The following PWWP2A variants were observed in gnomAD, a reference collection of about 807,000 sequenced individuals.
PWWP2A encodes the protein PWWP domain-containing protein 2A.
Under a neutral mutation model 48.5 loss-of-function variants are expected in PWWP2A, and 18 were observed. The ratio of observed to expected loss-of-function variants is 0.37; its 90% CI spans 0.26 to 0.55. The LOEUF (loss-of-function observed/expected upper bound fraction) is 0.55, where lower values mean the gene tolerates loss of function less well. Ranked by LOEUF, PWWP2A falls within the 20% of genes least tolerant of loss-of-function variation. The pLI, the probability that PWWP2A is intolerant of heterozygous loss-of-function variation, is 0.81. For synonymous variants in PWWP2A, 396 were observed against 387.7 expected, an observed-to-expected ratio of 1.02 and a Z score of -0.25; for missense variants, 867 against 976.4, an observed-to-expected ratio of 0.89 and a Z score of 1.49.
At chr5:160,113,980 T>C (rs911979282) in intron 1 of PWWP2A, among the ~76,000 whole-genome samples, 1 of 152,130 alleles carries the variant, frequency 6.6e-6, no homozygotes, top group Non-Finnish European at 1.5e-5. Flanking sequence ...CATTTCCTCC[T>C]GTGTAAATTA....
At chr5:160,100,120 G>A (rs1756115539) in intron 1 of PWWP2A, among the ~76,000 whole-genome samples, 1 of 151,620 alleles carries the variant, frequency 6.6e-6, no homozygotes, top group Non-Finnish European at 1.5e-5. Context: ...GGCTAACATG[G>A]TGAAACCCCA....
chr5:160,057,794 G>T (rs1757581262), downstream of PWWP2A, among the ~76,000 whole-genome samples: 1 of 152,134 alleles, frequency 6.6e-6, no homozygotes, highest in South Asian at 2.1e-4. The surrounding 1 kb of genome is among the most constrained non-coding windows in gnomAD (Gnocchi z 4.4). Flanking sequence ...GTGTGACACA[G>T]AGCCTCATTC....
exon 4 of PWWP2A, chr5:160,075,895 A>G (rs1753862963): frequency 1.3e-5 from 2 of 152,032 alleles, no homozygotes; most frequent in Admixed American, 1.3e-4. Flanking sequence ...TTAAAAAATC[A>G]AAGACTTTAT....
At chr5:160,109,958 G>A (rs912506342) in intron 1 of PWWP2A, among the ~76,000 whole-genome samples, 12 of 150,450 alleles carry the variant, frequency 8.0e-5, no homozygotes, top group Non-Finnish European at 1.5e-5. Flanking sequence ...TGCAATGTAT[G>A]AGCTTTATTT....
downstream of PWWP2A, among the ~76,000 whole-genome samples, chr5:160,072,487 G>T (rs983914117): frequency 6.6e-6 from 1 of 152,192 alleles, no homozygotes; most frequent in Non-Finnish European, 1.5e-5. Context: ...CAGCACCTGC[G>T]GGGGGCGAGG....
chr5:160,060,503 C>G (rs982103445), downstream of PWWP2A, among the ~76,000 whole-genome samples: 1 of 152,114 alleles, frequency 6.6e-6, no homozygotes, highest in Non-Finnish European at 1.5e-5. Context: ...TGGACATATT[C>G]AGGCTGAGTG....
chr5:160,091,983 C>CACATAT lies in PWWP2A; in HGVS notation c.*398_*399insATATGT. ...TCATATATATATATGTGTATATATA[C>CACATAT]ATATATATGTGTGTATATATACATA... On this transcript the variant is annotated 3_prime_UTR_variant, in exon 2 of 2. Coordinates refer to ENST00000307063, the MANE Select transcript of PWWP2A (RefSeq NM_001130864.2). The CACATAT allele has an allele frequency of 1.4e-6, 1 of 707,524 alleles. No homozygotes were observed. The highest frequency in any genetic ancestry group is 1.7e-6 in the Non-Finnish European group (1 of 593,226). The allele number at this position is 707,524 out of a possible 1,614,324, so 43.8% of individuals were successfully genotyped here. A position where few individuals can be genotyped will look rare whatever the true frequency, so the allele number is the denominator to read the frequency against.
At chr5:160,086,781 C>T (rs947196724), downstream of PWWP2A, among the ~76,000 whole-genome samples, 11 of 152,198 alleles carry the variant, frequency 7.2e-5, no homozygotes, top group African/African-American at 2.6e-4. Flanking sequence ...CATGTTCAGC[C>T]TCATAAATAA....
intron 1 of PWWP2A, among the ~76,000 whole-genome samples, chr5:160,101,583 ATC>A (rs1756296335): frequency 1.3e-5 from 2 of 151,994 alleles, no homozygotes; most frequent in African/African-American, 2.4e-5. Flanking sequence ...ACTTCCGGAG[ATC>A]TGTTTCACAA....
rs141358788 is a variant in PWWP2A at position 160,065,120 on chromosome 5, A to T, written c.*236+1428T>A. 814 of 1,587,574 alleles carry T rather than the reference A, an allele frequency of 5.1e-4. 4 individuals are homozygous for T. The African/African-American group carries it at 0.01, about 20-fold the overall frequency. ...TTGGAATTGTGTGCTGCTTGCTGTT[A>T]GCTAGGGGAAAGGCCCTGCCAATGT... On this transcript the variant is annotated intron_variant and NMD_transcript_variant, in intron 4 of 5. Coordinates refer to the PWWP2A transcript ENST00000524050.
At chr5:160,100,049 G>A (rs751493102) in intron 1 of PWWP2A, among the ~76,000 whole-genome samples, 8 of 151,742 alleles carry the variant, frequency 5.3e-5, no homozygotes, top group Admixed American at 1.3e-4. Context: ...GCCTGTAATC[G>A]CAGCACTTTG....
At chr5:160,073,054 T>C (rs370649043), downstream of PWWP2A, among the ~76,000 whole-genome samples, 54 of 145,746 alleles carry the variant, frequency 3.7e-4, 1 homozygote, top group South Asian at 6.6e-3. Context: ...TCCCCAGGGG[T>C]TTCGGCCTTG....
At chr5:160,101,833 G>A (rs375707537) in intron 1 of PWWP2A, among the ~76,000 whole-genome samples, 50 of 151,536 alleles carry the variant, frequency 3.3e-4, no homozygotes, top group African/African-American at 9.9e-4. Flanking sequence ...ATGCGTGGCC[G>A]GCCACTGGGG....
Position 160,118,972 on chromosome 5 carries a change from T to C in PWWP2A, c.417A>G (p.Val139=), listed in dbSNP as rs1423622143. ...EREEPPLPQP[V]APALVPPAGG... ...CCGCCGGCGGCACGAGCGCCGGGGC[T>C]ACGGGCTGAGGCAGCGGCGGCTCCT... Residue 139 remains valine (V), a synonymous_variant, in exon 1 of 2, where the codon GTA becomes GTG. Transcript: ENST00000307063. 41 of 1,598,116 alleles carry C rather than the reference T, an allele frequency of 2.6e-5. No homozygotes were observed. Among genetic ancestry groups the C allele is most frequent in the Non-Finnish European group, 3.5e-5 (41 of 1,174,224 alleles).
chr5:160,099,779 G>A (rs1490718515), intron 1 of PWWP2A, among the ~76,000 whole-genome samples: 1 of 151,496 alleles, frequency 6.6e-6, no homozygotes, highest in Non-Finnish European at 1.5e-5. Context: ...CCAGGTTCAA[G>A]CAATTCTCAT....
At chr5:160,085,229 AACAGT>A (rs991872761) in intron 2 of PWWP2A, among the ~76,000 whole-genome samples, 2 of 152,146 alleles carry the variant, frequency 1.3e-5, no homozygotes, top group African/African-American at 2.4e-5. Flanking sequence ...GGGTAATCCA[AACAGT>A]ACAGTACAGT....
downstream of PWWP2A, chr5:160,090,694 ATT>A: frequency 2.3e-6 from 2 of 888,124 alleles, no homozygotes; most frequent in Non-Finnish European, 2.6e-6. Context: ...TAATCTTTTC[ATT>A]ATGAGTTCCA....
At chr5:160,087,444 TTGTATAGG>T (rs1167291465), downstream of PWWP2A, among the ~76,000 whole-genome samples, 1 of 151,564 alleles carries the variant, frequency 6.6e-6, no homozygotes, top group Non-Finnish European at 1.5e-5. Flanking sequence ...AGTTATTTCC[TTGTATAGG>T]ACTACAGGTT....
chr5:160,063,920 G>C (rs1253451090), intron 4 of PWWP2A, among the ~76,000 whole-genome samples: 1 of 150,844 alleles, frequency 6.6e-6, no homozygotes, highest in Non-Finnish European at 1.5e-5. Flanking sequence ...GGGAATACAG[G>C]CATGAGTCAC....
Sources: gnomAD v4.1 joint callset for allele counts (sites outside exome capture counted in the v4.1 genomes callset) on GRCh38, gnomAD v4.1.1 for gene constraint, Gnocchi (gnomAD v3.1) non-coding constraint, MANE v1.5 for transcripts, NCBI Gene and HGNC (gene_info 2026-07-23, HGNC 2026-07-21) for gene names.